The following SDK2 variants were observed in gnomAD, a reference collection of about 807,000 sequenced individuals.
The protein encoded by SDK2 is sidekick cell adhesion molecule 2.
In SDK2, 105 loss-of-function variants were observed where a neutral mutation model predicts 253.9. The observed-to-expected ratio is 0.41, with a 90% confidence interval of 0.35 to 0.49. The LOEUF (loss-of-function observed/expected upper bound fraction) is 0.49, where lower values mean the gene tolerates loss of function less well. Among genes scored for constraint, SDK2 ranks in the 20% least tolerant of loss-of-function variants. The probability of loss-of-function intolerance (pLI) is 0.06; values close to 1 mark genes in which losing one functional copy is unlikely to be tolerated. For synonymous variants in SDK2, 1,249 were observed against 1,234.9 expected (o/e 1.01, Z -0.24); for missense variants, 2,608 against 3,003.0 (o/e 0.87, Z 3.07).
At chr17:73,343,029 A>C (rs2062452441) in intron 44 of SDK2, among the ~76,000 whole-genome samples, 1 of 152,164 alleles carries the variant, frequency 6.6e-6, no homozygotes, top group African/African-American at 2.4e-5. Context: ...GTAGAAGGTT[A>C]GCTGATACCC....
intron 1 of SDK2, among the ~76,000 whole-genome samples, chr17:73,508,755 A>G (rs2063954789): frequency 6.6e-6 from 1 of 152,210 alleles, no homozygotes; most frequent in African/African-American, 2.4e-5. Context: ...CCCCACAGAC[A>G]GCTTCAGAGC....
In SDK2 at chr17:73,513,019, G is replaced by A. The variant is rs147974953; in HGVS notation, c.65-5422C>T. Among the ~76,000 whole-genome samples the A allele has an allele frequency of 1.3e-3, 203 of 151,936 alleles. No individual in the cohort carries two copies. In the East Asian group the frequency reaches 0.035, roughly 26 times the overall value. ...TCTAAAAGACCTAGAAAAAAAATCA[G>A]AGATTTAAAAATATACTGTCTTGGC... On this transcript the variant is annotated intron_variant, in intron 1 of 44. Coordinates refer to ENST00000392650, the MANE Select transcript of SDK2 (RefSeq NM_001144952.2).
Position 73,481,749 on chromosome 17 carries a change from G to A in SDK2, c.225-9531C>T, listed in dbSNP as rs1029003615. 3.3e-5 allele frequency among the ~76,000 whole-genome samples: 5 copies of A among 152,082 alleles called. No homozygotes were observed. The highest frequency in any genetic ancestry group is 4.2e-4 in the South Asian group (2 of 4,814). The stretch of plus-strand genomic sequence containing the variant: ...TTGGACGCTGGGGCTCCTGGTTCCC[G>A]GCCTGCAGACTCTAGGACTTACACC... On this transcript the variant is annotated intron_variant, in intron 2 of 44. Transcript: ENST00000392650. The surrounding 1 kb of genome is among the most constrained non-coding windows in gnomAD (Gnocchi z 4.5).
intron 2 of SDK2, among the ~76,000 whole-genome samples, chr17:73,504,079 G>A (rs2063911329): frequency 6.6e-6 from 1 of 152,040 alleles, no homozygotes; most frequent in African/African-American, 2.4e-5. Context: ...CGGTTCTGTG[G>A]TGCACTTGTG....
chr17:73,471,252 C>T (rs1872083), intron 3 of SDK2, among the ~76,000 whole-genome samples: 39,766 of 152,014 alleles, frequency 0.26, 6,022 homozygotes, highest in Admixed American at 0.34. Context: ...CGGAAGATCA[C>T]GGAGACCCTC....
intron 1 of SDK2, among the ~76,000 whole-genome samples, chr17:73,577,988 G>T (rs1280846484): frequency 1.3e-5 from 2 of 152,068 alleles, no homozygotes; most frequent in Non-Finnish European, 2.9e-5. Context: ...TGGCAGGAGA[G>T]CAGGCAGCTT....
Position 73,338,822 on chromosome 17 carries a change from G to A in SDK2, c.6284C>T (p.Ser2095Leu), listed in dbSNP as rs530441434. Reference protein sequence around the residue: ...NSWRRQQKGISRAQAYSYTES... With the variant: ...NSWRRQQKGILRAQAYSYTES... ...CGTGTAGCTGTAGGCCTGTGCCCTCGAGATGCCCTTCTGCTGTCGCCGCCA... is the reference window on the plus strand; with the variant it reads ...CGTGTAGCTGTAGGCCTGTGCCCTCAAGATGCCCTTCTGCTGTCGCCGCCA... The change falls in exon 45 of 45, where the codon TCG becomes TTG. Residue 2095 changes from serine (S) to leucine (L), a missense_variant. Coordinates refer to ENST00000392650, the MANE Select transcript of SDK2 (RefSeq NM_001144952.2). The surrounding 1 kb of genome is among the most constrained non-coding windows in gnomAD (Gnocchi z 5.0). The A allele has an allele frequency of 3.1e-6, 5 of 1,613,988 alleles. No homozygotes were observed. Among genetic ancestry groups the A allele is most frequent in the Admixed American group, 3.3e-5 (2 of 60,016 alleles).
chr17:73,620,322 C>T (rs1012436982), intron 1 of SDK2, among the ~76,000 whole-genome samples: 1 of 152,104 alleles, frequency 6.6e-6, no homozygotes, highest in African/African-American at 2.4e-5. Context: ...AAATCAAAAC[C>T]CCCATAAGGT....
At position 73,455,153 on chromosome 17, in the gene SDK2, G is replaced by C. The variant is rs932031682; in HGVS notation, c.479+753C>G. Among the ~76,000 whole-genome samples the C allele has an allele frequency of 5.3e-5, 8 of 152,182 alleles. No individual in the cohort carries two copies. The highest frequency in any genetic ancestry group is 2.9e-5 in the Non-Finnish European group (2 of 68,042). ...TCAGTCCTGTGTACACGCAGCCTGG[G>C]TAGATCAGAAGGTGGTCTTCTGGAA... On this transcript the variant is annotated intron_variant, in intron 4 of 44. Coordinates refer to ENST00000392650, the MANE Select transcript of SDK2 (RefSeq NM_001144952.2). The surrounding 1 kb of genome is among the most constrained non-coding windows in gnomAD (Gnocchi z 5.0).
At chr17:73,505,468 CATT>C (rs1312831691) in intron 2 of SDK2, among the ~76,000 whole-genome samples, 1 of 146,904 alleles carries the variant, frequency 6.8e-6, no homozygotes, top group East Asian at 2.1e-4. Flanking sequence ...TTGCTATCAT[CATT>C]GTTATTGTCA....
At chr17:73,359,946 CTT>C (rs997085969) in intron 39 of SDK2, among the ~76,000 whole-genome samples, 3 of 152,176 alleles carry the variant, frequency 2.0e-5, no homozygotes, top group African/African-American at 7.2e-5. Flanking sequence ...CCGGCTGGTT[CTT>C]TCTTTCTCAG....
At chr17:73,391,806 G>A (rs986301929) in intron 27 of SDK2, among the ~76,000 whole-genome samples, 4 of 152,240 alleles carry the variant, frequency 2.6e-5, no homozygotes, top group African/African-American at 9.6e-5. Context: ...CTGTATACAC[G>A]CCCCAGAACC....
At chr17:73,598,841 C>T (rs759418045) in intron 1 of SDK2, among the ~76,000 whole-genome samples, 14 of 152,170 alleles carry the variant, frequency 9.2e-5, no homozygotes, top group Non-Finnish European at 1.8e-4. Flanking sequence ...TCGAAGGCCT[C>T]GTGTAAGTCA....
At chr17:73,514,127 C>T (rs2064003397) in intron 1 of SDK2, among the ~76,000 whole-genome samples, 1 of 152,224 alleles carries the variant, frequency 6.6e-6, no homozygotes, top group East Asian at 1.9e-4. Context: ...AAGCTGTTCA[C>T]AGGGTGATCC....
At chr17:73,399,621 G>A (rs2063005874) in intron 21 of SDK2, among the ~76,000 whole-genome samples, 1 of 152,198 alleles carries the variant, frequency 6.6e-6, no homozygotes, top group African/African-American at 2.4e-5. Context: ...GCAGCTAAAA[G>A]CTGCATTAAA....
At chr17:73,530,939 A>G (rs2064165131) in intron 1 of SDK2, among the ~76,000 whole-genome samples, 1 of 152,036 alleles carries the variant, frequency 6.6e-6, no homozygotes, top group African/African-American at 2.4e-5. Flanking sequence ...GGCTTGAGGG[A>G]TCTCTCTGGG....
At chr17:73,517,432 C>A (rs533794585) in intron 1 of SDK2, 1 of 152,168 alleles carries the variant, frequency 6.6e-6, no homozygotes, top group East Asian at 1.9e-4. Context: ...AAGAGACACA[C>A]AAGGAGAAGA....
intron 2 of SDK2, among the ~76,000 whole-genome samples, chr17:73,488,740 C>A (rs1489518759): frequency 6.6e-6 from 1 of 152,162 alleles, no homozygotes; most frequent in African/African-American, 2.4e-5. Flanking sequence ...AGTAGTTATG[C>A]GTTTCTTAAC....
intron 34 of SDK2, 49 bp downstream of exon 34, chr17:73,380,845 C>A: frequency 6.6e-7 from 1 of 1,505,106 alleles, no homozygotes; most frequent in Non-Finnish European, 9.1e-7. Context: ...ACTCCCAATC[C>A]CCTGCGAGGC....
Sources: allele counts gnomAD v4.1 joint callset (sites outside exome capture counted in the v4.1 genomes callset), GRCh38; gene constraint gnomAD v4.1.1; non-coding constraint Gnocchi (gnomAD v3.1); transcripts MANE v1.5; gene names NCBI Gene and HGNC (gene_info 2026-07-23, HGNC 2026-07-21).